SLC25A28: variants seen among roughly 807,000 people sequenced by gnomAD.
The protein encoded by SLC25A28 is solute carrier family 25 member 28.
In SLC25A28, 10 loss-of-function variants were observed where a neutral mutation model predicts 31.9. That is an observed-to-expected ratio of 0.31 (90% CI 0.19 to 0.53). The LOEUF (loss-of-function observed/expected upper bound fraction) is 0.53. Among genes scored for constraint, SLC25A28 ranks in the 20% least tolerant of loss-of-function variants. SLC25A28 has a pLI of 0.95. For synonymous variants in SLC25A28, 208 were observed against 203.6 expected (o/e 1.02, Z -0.19); for missense variants, 256 against 490.3 (o/e 0.52, Z 4.51).
intron 3 of SLC25A28, 86 bp downstream of exon 3, chr10:99,612,457 C>T: frequency 6.7e-7 from 1 of 1,495,228 alleles, no homozygotes; most frequent in South Asian, 1.2e-5. Context: ...CAGAATTTCC[C>T]ACCAAAACTG....
rs912994787 is a variant in SLC25A28, at chr10:99,616,249, A to G, written c.292-2325T>C. 5 of 956,194 alleles carry G rather than the reference A, an allele frequency of 5.2e-6. No individual in the cohort carries two copies. In the African/African-American group the frequency reaches 5.3e-5, roughly 10 times the overall value. 59.2% of individuals were successfully genotyped at this position (956,194 alleles called of 1,614,324 possible). ...AGCCACATTTGAGTCAAAAAGCCTG[A>G]GTCTGAGCCTCAGCTTTGCTAGTTG... On this transcript the variant is annotated intron_variant, in intron 1 of 3. Coordinates refer to ENST00000370495, the MANE Select transcript of SLC25A28 (RefSeq NM_031212.4).
chr10:99,650,574 G>T, the SLC25A28 span, among the ~76,000 whole-genome samples: 1 of 151,988 alleles, frequency 6.6e-6, no homozygotes, highest in Admixed American at 6.6e-5. Flanking sequence ...GACCAGAGAG[G>T]GTAGGGCACG....
Position 99,614,022 on chromosome 10 carries a change from CTG to C in SLC25A28, c.292-100_292-99del, listed in dbSNP as rs376744767. ...ACCTTCTACATGGAGCTGTGCCAAT[CTG>C]TGAGAGGGATATCTGGCTTTCAGCT... On this transcript the variant is annotated intron_variant, in intron 1 of 3. Coordinates refer to ENST00000370495, the MANE Select transcript of SLC25A28 (RefSeq NM_031212.4). The C allele has an allele frequency of 8.7e-4, 1,186 of 1,366,956 alleles. 9 individuals carry two copies. In the African/African-American group the frequency reaches 0.015, roughly 17 times the overall value. 84.7% of individuals were successfully genotyped at this position (1,366,956 alleles called of 1,614,324 possible).
upstream of SLC25A28, chr10:99,622,623 C>G (rs375489480): frequency 1.0e-6 from 1 of 984,802 alleles, no homozygotes. Flanking sequence ...TAACACTTGC[C>G]GCCACACCAC....
the SLC25A28 span, among the ~76,000 whole-genome samples, chr10:99,626,359 C>T: frequency 6.6e-6 from 1 of 152,202 alleles, no homozygotes; most frequent in Non-Finnish European, 1.5e-5. Flanking sequence ...AGTTTTCAAA[C>T]TGGAGACTGT....
rs775437071 is a variant in SLC25A28, at chr10:99,620,167, G to C, written c.169C>G (p.Pro57Ala). The change falls in exon 1 of 4, where the codon CCG (proline) becomes GCG (alanine). Residue 57 changes from proline to alanine, a missense_variant. This residue lies in a region of SLC25A28 where 41 missense variants were observed against 41.7 expected (regional missense o/e 0.98). Transcript: ENST00000370495. Reference sequence around the variant, plus strand: ...GCCTCGTAGTCCGGGCCGGAGTCCGGATCTTGTCGTACCGGGGGCCTGCAG... The same window carrying C: ...GCCTCGTAGTCCGGGCCGGAGTCCGCATCTTGTCGTACCGGGGGCCTGCAG... Reference protein sequence around the residue: ...GACRPPVRQDPDSGPDYEALP... With the variant: ...GACRPPVRQDADSGPDYEALP... The C allele has an allele frequency of 8.5e-5, 132 of 1,550,934 alleles. No individual in the cohort carries two copies. Among genetic ancestry groups the C allele is most frequent in the Non-Finnish European group, 1.1e-4 (122 of 1,155,972 alleles).
upstream of SLC25A28, chr10:99,621,075 C>T (rs536990345): frequency 7.5e-6 from 6 of 798,956 alleles, no homozygotes; most frequent in African/African-American, 7.4e-5. Context: ...GCCGGTCATC[C>T]CTGGCTGGCG....
At chr10:99,623,004 A>G (rs79344230), upstream of SLC25A28, among the ~76,000 whole-genome samples, 448 of 152,312 alleles carry the variant, frequency 2.9e-3, 1 homozygote, top group Middle Eastern at 0.058. Flanking sequence ...TCTGGATGCT[A>G]TGCTGACCTT....
the SLC25A28 span, among the ~76,000 whole-genome samples, chr10:99,626,895 T>G: frequency 6.6e-6 from 1 of 152,184 alleles, no homozygotes; most frequent in Non-Finnish European, 1.5e-5. Context: ...CACTTTTGTC[T>G]GTCTGATGAG....
upstream of SLC25A28, among the ~76,000 whole-genome samples, chr10:99,625,369 T>G (rs2034865704): frequency 6.6e-6 from 1 of 151,926 alleles, no homozygotes; most frequent in Admixed American, 6.6e-5. Flanking sequence ...ATTGGTCCAT[T>G]TTACAGAGTG....
chr10:99,633,771 G>A, the SLC25A28 span, among the ~76,000 whole-genome samples: 2 of 151,630 alleles, frequency 1.3e-5, no homozygotes, highest in African/African-American at 2.4e-5. Flanking sequence ...GGCACCACTC[G>A]CCGCAGATTC....
the SLC25A28 span, among the ~76,000 whole-genome samples, chr10:99,634,190 A>G: frequency 6.6e-6 from 1 of 152,174 alleles, no homozygotes; most frequent in Admixed American, 6.5e-5. Flanking sequence ...AGCCTACCCA[A>G]ATGGAAGGAA....
chr10:99,613,639 G>C lies in SLC25A28; in HGVS notation c.520+57C>G. Reference sequence around the variant, plus strand: ...ATGCTGAGACTGGAAAGCACTGACAGCAGCAAAGCCCAAAGAGTTGGGAAA... The same window carrying C: ...ATGCTGAGACTGGAAAGCACTGACACCAGCAAAGCCCAAAGAGTTGGGAAA... On this transcript the variant is annotated intron_variant, in intron 2 of 3. Transcript: ENST00000370495. The surrounding 1 kb of genome is among the most constrained non-coding windows in gnomAD (Gnocchi z 4.9). 3.7e-6 allele frequency: 6 copies of C among 1,611,960 alleles called. No individual in the cohort carries two copies. The highest frequency in any genetic ancestry group is 5.1e-6 in the Non-Finnish European group (6 of 1,179,072).
At chr10:99,642,458 A>C in the SLC25A28 span, among the ~76,000 whole-genome samples, 3 of 152,112 alleles carry the variant, frequency 2.0e-5, no homozygotes, top group Non-Finnish European at 2.9e-5. Flanking sequence ...CAGCTTAAGG[A>C]GGTTTTGGGA....
the SLC25A28 span, among the ~76,000 whole-genome samples, chr10:99,650,937 T>C: frequency 6.6e-6 from 1 of 152,160 alleles, no homozygotes; most frequent in Admixed American, 6.5e-5. Context: ...GTGGATTTCT[T>C]TTCTGGAGCA....
intron 1 of SLC25A28, chr10:99,617,251 G>C (rs1448620030): frequency 1.0e-6 from 1 of 985,238 alleles, no homozygotes; most frequent in Non-Finnish European, 1.2e-6. Flanking sequence ...GGATTTATCT[G>C]GGCTCCCAAG....
the SLC25A28 span, among the ~76,000 whole-genome samples, chr10:99,633,395 G>C: frequency 6.6e-6 from 1 of 152,038 alleles, no homozygotes; most frequent in Non-Finnish European, 1.5e-5. Flanking sequence ...TTACAAACTA[G>C]CATATAAAAG....
Position 99,610,817 on chromosome 10 carries a change from C to A in SLC25A28, c.*32G>T. ...GAATGTGACCAGGATGCAGCAGTGTCATCTGAACCCCTGGCTTCGTTCAGT... is the reference window on the plus strand; with the variant it reads ...GAATGTGACCAGGATGCAGCAGTGTAATCTGAACCCCTGGCTTCGTTCAGT... On this transcript the variant is annotated 3_prime_UTR_variant, in exon 4 of 4. Transcript: ENST00000370495. 6.3e-7 allele frequency: 1 copy of A among 1,596,418 alleles called. No homozygotes were observed. The highest frequency in any genetic ancestry group is 1.1e-5 in the South Asian group (1 of 88,570).
the SLC25A28 span, among the ~76,000 whole-genome samples, chr10:99,645,084 A>G: frequency 6.6e-6 from 1 of 152,034 alleles, no homozygotes; most frequent in African/African-American, 2.4e-5. Flanking sequence ...GTATTTCCTG[A>G]ATTTGAATGT....
Sources: allele counts gnomAD v4.1 joint callset (sites outside exome capture counted in the v4.1 genomes callset), GRCh38; gene constraint gnomAD v4.1.1; regional missense constraint gnomAD v4.1.1; non-coding constraint Gnocchi (gnomAD v3.1); transcripts MANE v1.5; gene names NCBI Gene and HGNC (gene_info 2026-07-23, HGNC 2026-07-21).